The following SPATA31C1 variants were observed in gnomAD, a reference collection of about 807,000 sequenced individuals.
SPATA31C1 encodes spermatogenesis-associated protein 31C1.
At position 87,920,155 on chromosome 9, in the gene SPATA31C1, G is replaced by A. The variant is rs1182938663; in HGVS notation, n.642-97G>A. ...GGTCAGGGTGTGGCGTGGTGGAGAG[G>A]GTGTGGCGTGGTGGAGGGGCTGTGG... On this transcript the variant is annotated intron_variant and non_coding_transcript_variant, in intron 4 of 4. Transcript: ENST00000420021. The A allele has an allele frequency of 8.1e-6, 13 of 1,601,252 alleles. No individual in the cohort carries two copies. In the South Asian group the frequency reaches 1.2e-4, roughly 15 times the overall value.
At chr9:87,917,030 T>C (rs1212191294) in intron 1 of SPATA31C1, among the ~76,000 whole-genome samples, 1 of 123,016 alleles carries the variant, frequency 8.1e-6, no homozygotes, top group Admixed American at 9.1e-5. Context: ...CCTGCACATG[T>C]ACCCCGGAAC....
chr9:87,923,369 C>A lies in SPATA31C1; in HGVS notation n.3759C>A, dbSNP rs766555428. ...TCCGGTGCAACAATGAGCAATGGGGCCTGCGACATCCCCAACTCTTGCTCC... is the reference window on the plus strand; with the variant it reads ...TCCGGTGCAACAATGAGCAATGGGGACTGCGACATCCCCAACTCTTGCTCC... On this transcript the variant is annotated non_coding_transcript_exon_variant, in exon 5 of 5. Transcript: ENST00000420021. 4 of 1,602,538 alleles carry A rather than the reference C, an allele frequency of 2.5e-6. No homozygotes were observed. The South Asian group carries it at 4.4e-5, about 18-fold the overall frequency.
At chr9:87,921,742 C>G in exon 5 of SPATA31C1, 1 of 1,612,086 alleles carries the variant, frequency 6.2e-7, no homozygotes, top group Non-Finnish European at 8.5e-7. Context: ...GTCAACCAGG[C>G]TTTTCCCGTA....
At chr9:87,920,290 A>G in exon 5 of SPATA31C1, 1 of 1,613,898 alleles carries the variant, frequency 6.2e-7, no homozygotes, top group Non-Finnish European at 8.5e-7. Flanking sequence ...GACTTTGGTC[A>G]GCTCTCTGGT....
rs373958674 is a variant in SPATA31C1, at chr9:87,920,863, A to T, written n.1253A>T. On this transcript the variant is annotated non_coding_transcript_exon_variant, in exon 5 of 5. Coordinates refer to ENST00000420021, the Ensembl canonical transcript of SPATA31C1. Reference sequence around the variant, plus strand: ...CAAGATCATCTTTCCCGCCAAAGGGACACCACAATGTCCCCACTGCTTTTC... The same window carrying T: ...CAAGATCATCTTTCCCGCCAAAGGGTCACCACAATGTCCCCACTGCTTTTC... 4.3e-5 allele frequency: 70 copies of T among 1,613,498 alleles called. No homozygotes were observed. In the African/African-American group the frequency reaches 8.7e-4, roughly 20 times the overall value.
At chr9:87,921,536 G>A (rs953647219) in exon 5 of SPATA31C1, 2 of 1,611,908 alleles carry the variant, frequency 1.2e-6, no homozygotes, top group African/African-American at 2.7e-5. Flanking sequence ...GCTTCCCAGG[G>A]AAGGTTCTGG....
chr9:87,916,892 G>A (rs1828738790), intron 1 of SPATA31C1, among the ~76,000 whole-genome samples: 1 of 67,356 alleles, frequency 1.5e-5, no homozygotes, highest in Non-Finnish European at 3.5e-5. Context: ...AGCTACTCGG[G>A]AGGCTGAGGC....
chr9:87,922,644 A>C (rs767649525), exon 5 of SPATA31C1: 4 of 1,608,772 alleles, frequency 2.5e-6, no homozygotes, highest in Non-Finnish European at 3.4e-6. Flanking sequence ...TCTCCAGAGC[A>C]CGCCTACTGG....
chr9:87,920,917 C>G, exon 5 of SPATA31C1: 1 of 1,613,276 alleles, frequency 6.2e-7, no homozygotes, highest in Non-Finnish European at 8.5e-7. Context: ...CATCTGGGGC[C>G]TGAGTCCCAA....
chr9:87,920,230 T>G, intron 4 of SPATA31C1, 22 bp from the exon 4 acceptor site: 1 of 1,612,322 alleles, frequency 6.2e-7, no homozygotes, highest in Non-Finnish European at 8.5e-7. Context: ...TGGCTGCAGC[T>G]TGTGCCTCCT....
chr9:87,916,402 A>C (rs1353118502), intron 1 of SPATA31C1, among the ~76,000 whole-genome samples: 1 of 148,314 alleles, frequency 6.7e-6, no homozygotes, highest in Non-Finnish European at 1.5e-5. Context: ...ATGTTATCAA[A>C]ATTTAAAACT....
intron 3 of SPATA31C1, 104 bp downstream of exon 2, chr9:87,919,452 A>G: frequency 6.6e-7 from 1 of 1,510,886 alleles, no homozygotes; most frequent in Non-Finnish European, 8.9e-7. Flanking sequence ...GGGGGCTCCT[A>G]GGAAGGAAAT....
exon 3 of SPATA31C1, chr9:87,919,340 G>A (rs1301499605): frequency 6.2e-7 from 1 of 1,602,512 alleles, no homozygotes; most frequent in African/African-American, 1.3e-5. Context: ...AAAAACCACA[G>A]TCTGAGAGGT....
At chr9:87,918,917 C>T (rs1450121510) in intron 2 of SPATA31C1, 7 of 355,398 alleles carry the variant, frequency 2.0e-5, no homozygotes, top group East Asian at 7.4e-5. Flanking sequence ...GGATTACAGG[C>T]GCCCGCCACC....
intron 1 of SPATA31C1, among the ~76,000 whole-genome samples, chr9:87,916,678 AATT>A (rs1828728528): frequency 7.5e-6 from 1 of 133,144 alleles, no homozygotes; most frequent in African/African-American, 2.6e-5. Context: ...AGTCCTTTTA[AATT>A]ATCAAGCCCA....
At chr9:87,921,055 T>G in exon 5 of SPATA31C1, 1 of 1,611,424 alleles carries the variant, frequency 6.2e-7, no homozygotes, top group Non-Finnish European at 8.5e-7. Context: ...AACACTGGAG[T>G]AGCTTGCCCT....
rs1390944197 is a variant in SPATA31C1 at position 87,922,516 on chromosome 9, C to A, written n.2906C>A. On this transcript the variant is annotated non_coding_transcript_exon_variant, in exon 5 of 5. Coordinates refer to ENST00000420021, the Ensembl canonical transcript of SPATA31C1. ...GTTAGTGAATTTGAGCCTGGAATGGCCACGAAGTCAGAGACCCAGCCTCAA... is the reference window on the plus strand; with the variant it reads ...GTTAGTGAATTTGAGCCTGGAATGGACACGAAGTCAGAGACCCAGCCTCAA... 2 of 1,610,704 alleles carry A rather than the reference C, an allele frequency of 1.2e-6. No homozygotes were observed. Among genetic ancestry groups the A allele is most frequent in the Non-Finnish European group, 8.5e-7 (1 of 1,177,856 alleles).
chr9:87,920,064 G>A lies in SPATA31C1; in HGVS notation n.641+88G>A, dbSNP rs1330796894. On this transcript the variant is annotated intron_variant and non_coding_transcript_variant, in intron 4 of 4. Coordinates refer to ENST00000420021, the Ensembl canonical transcript of SPATA31C1. ...AGGCAGCCTGGAGCTGACCTGGGATGGGGAGACCAGGGGGACAGAGGATGG... is the reference window on the plus strand; with the variant it reads ...AGGCAGCCTGGAGCTGACCTGGGATAGGGAGACCAGGGGGACAGAGGATGG... The A allele has an allele frequency of 4.4e-6, 7 of 1,608,418 alleles. No homozygotes were observed. In the Admixed American group the frequency reaches 1.2e-4, roughly 27 times the overall value.
At position 87,916,772 on chromosome 9, in the gene SPATA31C1, C is replaced by T. The variant is rs77779426; in HGVS notation, n.190-1075C>T. On this transcript the variant is annotated intron_variant and non_coding_transcript_variant, in intron 1 of 4. Coordinates refer to ENST00000420021, the Ensembl canonical transcript of SPATA31C1. The stretch of plus-strand genomic sequence containing the variant: ...CAGCACTTTGGGAGGCCAAGGCGGG[C>T]GGATCACAAGGTCAGGAGAACAAGA... 3.7e-3 allele frequency among the ~76,000 whole-genome samples: 349 copies of T among 93,886 alleles called. 6 individuals carry two copies. Among genetic ancestry groups the T allele is most frequent in the East Asian group, 0.023 (87 of 3,796 alleles). 61.6% of individuals were successfully genotyped at this position (93,886 alleles called of 152,430 possible). A position where few individuals can be genotyped will look rare whatever the true frequency, so the allele number is the denominator to read the frequency against.
Sources: allele counts gnomAD v4.1 joint callset (sites outside exome capture counted in the v4.1 genomes callset), GRCh38; gene constraint gnomAD v4.1.1; transcripts MANE v1.5; gene names NCBI Gene and HGNC (gene_info 2026-07-23, HGNC 2026-07-21).